NAT1: variants seen among roughly 807,000 people sequenced by gnomAD.
NAT1 encodes the protein arylamine N-acetyltransferase 1.
For synonymous variants in NAT1, 144 were observed against 122.6 expected, an observed-to-expected ratio of 1.17 and a Z score of -1.16; for missense variants, 400 against 339.2, an observed-to-expected ratio of 1.18 and a Z score of -1.41.
At chr8:18,210,273 T>G (rs1009402229) in intron 1 of NAT1, 93 bp downstream of exon 1, 4 of 152,180 alleles carry the variant, frequency 2.6e-5, no homozygotes, top group Non-Finnish European at 5.9e-5. Context: ...ATGTCTACAT[T>G]TCAAGTATAA....
At chr8:18,182,461 G>A (rs1206551243) in intron 2 of NAT1, among the ~76,000 whole-genome samples, 1 of 152,034 alleles carries the variant, frequency 6.6e-6, no homozygotes, top group Non-Finnish European at 1.5e-5. Flanking sequence ...TTTACTTTTA[G>A]GTCTACAATC....
chr8:18,208,546 A>T (rs1803832795), upstream of NAT1, among the ~76,000 whole-genome samples: 1 of 152,198 alleles, frequency 6.6e-6, no homozygotes. Flanking sequence ...AATAAAATAG[A>T]GGGTGGAACA....
chr8:18,175,588 G>T (rs1021237819), intron 2 of NAT1, among the ~76,000 whole-genome samples: 31 of 151,988 alleles, frequency 2.0e-4, no homozygotes, highest in African/African-American at 7.2e-4. Context: ...GTGTAATATA[G>T]TATGTTTTCT....
chr8:18,180,786 T>C (rs1324857693), intron 2 of NAT1, among the ~76,000 whole-genome samples: 2 of 152,174 alleles, frequency 1.3e-5, no homozygotes, highest in African/African-American at 4.8e-5. Context: ...GTAATTATAA[T>C]GTATCAGTTT....
chr8:18,201,600 A>T (rs1803466045), intron 2 of NAT1, among the ~76,000 whole-genome samples: 1 of 152,190 alleles, frequency 6.6e-6, no homozygotes. Flanking sequence ...GGCTATAGAA[A>T]TGCTTGCCAA....
upstream of NAT1, among the ~76,000 whole-genome samples, chr8:18,205,773 G>A (rs1028929315): frequency 2.0e-5 from 3 of 152,206 alleles, no homozygotes; most frequent in African/African-American, 7.2e-5. Flanking sequence ...CCATGCTAGA[G>A]CTCCTCGCAG....
intron 2 of NAT1, among the ~76,000 whole-genome samples, chr8:18,173,546 A>G (rs182669571): frequency 1.2e-4 from 19 of 152,310 alleles, no homozygotes; most frequent in African/African-American, 4.1e-4. Context: ...GCAATTGCAG[A>G]TGGCCAACAT....
intron 2 of NAT1, among the ~76,000 whole-genome samples, chr8:18,220,287 G>T (rs530957062): frequency 2.0e-5 from 3 of 152,226 alleles, no homozygotes; most frequent in South Asian, 2.1e-4. Flanking sequence ...TTGGAAACTG[G>T]CAATATGGGG....
At chr8:18,172,590 T>A (rs1478209336) in intron 2 of NAT1, among the ~76,000 whole-genome samples, 2 of 152,182 alleles carry the variant, frequency 1.3e-5, no homozygotes, top group Admixed American at 1.3e-4. Flanking sequence ...ACTCTGGTGG[T>A]TCAAATTCTA....
chr8:18,197,754 T>C (rs1803296495), intron 2 of NAT1, among the ~76,000 whole-genome samples: 1 of 152,170 alleles, frequency 6.6e-6, no homozygotes, highest in African/African-American at 2.4e-5. Flanking sequence ...AAATATTGGT[T>C]AGACTAGATT....
At chr8:18,216,752 G>A (rs4921879) in intron 1 of NAT1, 62,145 of 577,652 alleles carry the variant, frequency 0.11, 7,215 homozygotes, top group African/African-American at 0.46. Context: ...GCAAAATTTC[G>A]TAAGAGGCTA....
At chr8:18,189,424 G>C (rs926171770) in intron 2 of NAT1, among the ~76,000 whole-genome samples, 1 of 152,084 alleles carries the variant, frequency 6.6e-6, no homozygotes, top group Non-Finnish European at 1.5e-5. Flanking sequence ...ATACTCTGGG[G>C]GAGGCATATC....
intron 2 of NAT1, among the ~76,000 whole-genome samples, chr8:18,175,161 A>G (rs1802245013): frequency 6.6e-6 from 1 of 152,092 alleles, no homozygotes; most frequent in Admixed American, 6.6e-5. Context: ...TTGTAGAAAG[A>G]GTCAATCAAG....
intron 1 of NAT1, among the ~76,000 whole-genome samples, chr8:18,211,003 C>T (rs1218459694): frequency 1.3e-5 from 2 of 152,120 alleles, no homozygotes; most frequent in African/African-American, 4.8e-5. Flanking sequence ...TGGGGTTTCA[C>T]CGTCTTGGCT....
At position 18,222,477 on chromosome 8, in the gene NAT1, C is replaced by T. The variant is rs774460271; in HGVS notation, c.430C>T (p.Pro144Ser). The T allele has an allele frequency of 8.7e-6, 14 of 1,613,910 alleles. No homozygotes were observed. In the South Asian group the frequency reaches 1.5e-4, roughly 18 times the overall value. Residue 144 changes from proline (P) to serine (S), a missense_variant, in exon 3 of 3, where the codon CCT becomes TCT. By Grantham distance (74) the Pro-to-Ser change is moderately conservative. Coordinates refer to ENST00000307719, the MANE Select transcript of NAT1 (RefSeq NM_000662.8). ...PLELISGKDQ[P>S]QVPCVFRLTE... ...GGAGTTAATTTCTGGGAAGGATCAG[C>T]CTCAGGTGCCTTGTGTCTTCCGTTT...
intron 1 of NAT1, among the ~76,000 whole-genome samples, chr8:18,210,760 A>G (rs571722678): frequency 1.3e-5 from 2 of 152,132 alleles, no homozygotes; most frequent in South Asian, 2.1e-4. Context: ...TGCAATGCCT[A>G]TGGGAATTCC....
intron 1 of NAT1, among the ~76,000 whole-genome samples, chr8:18,216,472 G>A (rs1352991936): frequency 2.0e-5 from 3 of 152,166 alleles, no homozygotes; most frequent in South Asian, 4.1e-4. Context: ...TCTGGCATGG[G>A]GAAGAGGACT....
At chr8:18,184,391 C>T (rs1447617570) in intron 2 of NAT1, among the ~76,000 whole-genome samples, 1 of 152,138 alleles carries the variant, frequency 6.6e-6, no homozygotes, top group Admixed American at 6.5e-5. Flanking sequence ...CTTCTGCCCA[C>T]AAAGCCCTAA....
chr8:18,182,971 T>A (rs1007799126), intron 2 of NAT1, among the ~76,000 whole-genome samples: 1 of 152,196 alleles, frequency 6.6e-6, no homozygotes, highest in East Asian at 1.9e-4. Flanking sequence ...TTTGAAGTTG[T>A]TTATGCTATT....
Sources: allele counts gnomAD v4.1 joint callset (sites outside exome capture counted in the v4.1 genomes callset), GRCh38; gene constraint gnomAD v4.1.1; transcripts MANE v1.5; gene names NCBI Gene and HGNC (gene_info 2026-07-23, HGNC 2026-07-21).